The following RIOK1 variants were observed in gnomAD, a reference collection of about 807,000 sequenced individuals.
The protein encoded by RIOK1 is RIO kinase 1.
RIOK1 carries 66 observed loss-of-function variants against 73.5 expected under a neutral mutation model. The ratio of observed to expected loss-of-function variants is 0.90; its 90% CI spans 0.74 to 1.10. The LOEUF is 1.10. RIOK1 is among the 50% of genes least tolerant of loss of function. RIOK1 has a pLI of 0.00. For synonymous variants in RIOK1, 224 were observed against 226.8 expected (o/e 0.99, Z 0.11); for missense variants, 658 against 699.8 (o/e 0.94, Z 0.67).
At position 7,393,319 on chromosome 6, in the gene RIOK1, T is replaced by A; in HGVS notation, c.276+16T>A. ...CAACCCACAGGTATTTTATAAAGGA[T>A]CCTGCACATCTTTATGTAGTCTGCT... On this transcript the variant is annotated intron_variant, in intron 2 of 16. Coordinates refer to ENST00000379834, the MANE Select transcript of RIOK1 (RefSeq NM_031480.3). 6.2e-7 allele frequency: 1 copy of A among 1,608,320 alleles called. No homozygotes were observed. The highest frequency in any genetic ancestry group is 8.5e-7 in the Non-Finnish European group (1 of 1,174,730).
rs539584287 is a variant in RIOK1 at position 7,398,703 on chromosome 6, G to T, written c.443G>T (p.Arg148Leu). 147 of 1,611,946 alleles carry T rather than the reference G, an allele frequency of 9.1e-5. 2 individuals carry two copies. In the South Asian group the frequency reaches 1.3e-3, roughly 14 times the overall value. ...KSRQKEADMY[R>L]IKDKADRATV... The stretch of plus-strand genomic sequence containing the variant: ...ACGTTTTTGTTTTTGGTTAGGTATC[G>T]CATCAAAGATAAGGCAGACAGAGCA... Residue 148 changes from arginine to leucine, a missense_variant, in exon 5 of 17, where the codon CGC becomes CTC. Transcript: ENST00000379834.
At chr6:7,409,311 G>C in intron 12 of RIOK1, among the ~76,000 whole-genome samples, 1 of 150,694 alleles carries the variant, frequency 6.6e-6, no homozygotes, top group East Asian at 2.0e-4. Context: ...CTGGAGTACA[G>C]TGGCACGATC....
intron 9 of RIOK1, 119 bp from the exon 10 acceptor site, chr6:7,404,299 A>G: frequency 8.3e-7 from 1 of 1,205,656 alleles, no homozygotes; most frequent in Non-Finnish European, 1.2e-6. Context: ...GTGCATTGAG[A>G]CAGATTGTCC....
At chr6:7,409,749 C>T (rs907811927) in intron 12 of RIOK1, among the ~76,000 whole-genome samples, 2 of 142,162 alleles carry the variant, frequency 1.4e-5, no homozygotes, top group Non-Finnish European at 3.0e-5. Flanking sequence ...GGATTAGAGG[C>T]GTGAGCCACT....
chr6:7,403,188 G>A (rs1367244001), intron 8 of RIOK1, among the ~76,000 whole-genome samples: 1 of 152,188 alleles, frequency 6.6e-6, no homozygotes, highest in African/African-American at 2.4e-5. Context: ...CATTGAAAAT[G>A]TTTAGAATTT....
At chr6:7,395,213 T>C in intron 3 of RIOK1, 70 bp downstream of exon 3, 1 of 1,517,186 alleles carries the variant, frequency 6.6e-7, no homozygotes, top group Non-Finnish European at 9.0e-7. Flanking sequence ...TGTATAATTT[T>C]ATTAGATCAA....
At position 7,417,425 on chromosome 6, in the gene RIOK1, C is replaced by G. The variant is rs114957379; in HGVS notation, c.1691C>G (p.Thr564Arg). 17 of 1,546,584 alleles carry G rather than the reference C, an allele frequency of 1.1e-5. No individual in the cohort carries two copies. In the African/African-American group the frequency reaches 2.1e-4, roughly 19 times the overall value. Residue 564 changes from threonine (T) to arginine (R), a missense_variant, in exon 17 of 17, where the codon ACG becomes AGG. Physicochemically the swap from Thr to Arg is moderately conservative, Grantham distance 71 (BLOSUM62 -1). Coordinates refer to ENST00000379834, the MANE Select transcript of RIOK1 (RefSeq NM_031480.3). Reference sequence around the variant, plus strand: ...AAAAGAAAGGAGAAGACAGCCAAGACGAAAAAAGGCAAATAGAATGAGAAC... The same window carrying G: ...AAAAGAAAGGAGAAGACAGCCAAGAGGAAAAAAGGCAAATAGAATGAGAAC... ...VKKRKEKTAK[T>R]KKGK
At chr6:7,406,659 T>C (rs889278392) in intron 12 of RIOK1, among the ~76,000 whole-genome samples, 1 of 152,202 alleles carries the variant, frequency 6.6e-6, no homozygotes, top group Non-Finnish European at 1.5e-5. Context: ...TGTGACAGGA[T>C]ATCTTTTTCT....
At chr6:7,396,874 T>G (rs2113503167) in intron 4 of RIOK1, 102 bp downstream of exon 4, 1 of 674,080 alleles carries the variant, frequency 1.5e-6, no homozygotes, top group Middle Eastern at 3.1e-4. Context: ...TTTGTATACT[T>G]AAACCAATCA....
chr6:7,407,024 T>G (rs1761763765), intron 12 of RIOK1, among the ~76,000 whole-genome samples: 1 of 152,216 alleles, frequency 6.6e-6, no homozygotes, highest in East Asian at 1.9e-4. Flanking sequence ...ATTTTGTTTA[T>G]CCATTCATCT....
chr6:7,401,132 G>A lies in RIOK1; in HGVS notation c.573+82G>A, dbSNP rs903133507. The A allele has an allele frequency of 1.0e-5, 9 of 867,220 alleles. No homozygotes were observed. In the African/African-American group the frequency reaches 1.4e-4, roughly 13 times the overall value. The allele number at this position is 867,220 out of a possible 1,614,324, so 53.7% of individuals were successfully genotyped here. A position where few individuals can be genotyped will look rare whatever the true frequency, so the allele number is the denominator to read the frequency against. On this transcript the variant is annotated intron_variant, in intron 6 of 16. Transcript: ENST00000379834. ...AAACTGGCACTTAGAACTACATTAT[G>A]CCTTTAAGAAGAAAGAAAAACAAAG...
intron 1 of RIOK1, among the ~76,000 whole-genome samples, chr6:7,392,273 G>T (rs1479548971): frequency 6.8e-6 from 1 of 147,770 alleles, no homozygotes; most frequent in African/African-American, 2.5e-5. Flanking sequence ...GCCCTTACTG[G>T]TTGTGCTCCC....
intron 6 of RIOK1, among the ~76,000 whole-genome samples, chr6:7,401,346 T>C (rs1285354274): frequency 6.6e-6 from 1 of 152,176 alleles, no homozygotes; most frequent in Non-Finnish European, 1.5e-5. Context: ...TATGGTTATG[T>C]TTCTATGAGT....
chr6:7,401,174 T>C (rs1761602122), intron 6 of RIOK1, 124 bp downstream of exon 6: 3 of 679,930 alleles, frequency 4.4e-6, no homozygotes, highest in Non-Finnish European at 7.7e-6. Flanking sequence ...ACATTAATAT[T>C]CATGGTTAGA....
At chr6:7,400,835 C>G in intron 5 of RIOK1, 123 bp from the exon 6 acceptor site, 1 of 591,912 alleles carries the variant, frequency 1.7e-6, no homozygotes, top group Non-Finnish European at 3.0e-6. Flanking sequence ...TAGTGACTCT[C>G]ATTTAGTCAA....
intron 8 of RIOK1, among the ~76,000 whole-genome samples, chr6:7,403,374 T>C (rs1226710261): frequency 6.6e-6 from 1 of 152,214 alleles, no homozygotes; most frequent in Non-Finnish European, 1.5e-5. Flanking sequence ...TGGACACTTT[T>C]TTTATATTCT....
At chr6:7,409,297 C>T (rs1258348101) in intron 12 of RIOK1, among the ~76,000 whole-genome samples, 2 of 150,920 alleles carry the variant, frequency 1.3e-5, no homozygotes, top group Non-Finnish European at 2.9e-5. Context: ...CTCTCTCACC[C>T]ATGCTGGAGT....
intron 1 of RIOK1, among the ~76,000 whole-genome samples, chr6:7,390,805 A>G (rs1182077667): frequency 6.6e-6 from 1 of 152,234 alleles, no homozygotes; most frequent in Non-Finnish European, 1.5e-5. Flanking sequence ...TGTGGGTCTT[A>G]TGGAAAGCCA....
In RIOK1 at chr6:7,415,799, G is replaced by A. The variant is rs575267758; in HGVS notation, c.1596+1409G>A. ...TACCAGAGAGGCTGCATCTGCCAAT[G>A]AAGAAGCTACTGTCACATGAGTATG... On this transcript the variant is annotated intron_variant, in intron 16 of 16. Coordinates refer to ENST00000379834, the MANE Select transcript of RIOK1 (RefSeq NM_031480.3). 1.0e-3 allele frequency among the ~76,000 whole-genome samples: 159 copies of A among 152,332 alleles called. 1 individual carries two copies. Among genetic ancestry groups the A allele is most frequent in the Middle Eastern group, 3.4e-3 (1 of 294 alleles).
Sources: gnomAD v4.1 joint callset for allele counts (sites outside exome capture counted in the v4.1 genomes callset) on GRCh38, gnomAD v4.1.1 for gene constraint, MANE v1.5 for transcripts, NCBI Gene and HGNC (gene_info 2026-07-23, HGNC 2026-07-21) for gene names.